Variants in MAGI2 observed in about 807,000 individuals in gnomAD.
MAGI2 encodes membrane-associated guanylate kinase, WW and PDZ domain-containing protein 2.
In MAGI2, 35 loss-of-function variants were observed where a neutral mutation model predicts 133.3. The observed-to-expected ratio is 0.26, with a 90% CI of 0.20 to 0.35. MAGI2 has a LOEUF of 0.35. Among genes scored for constraint, MAGI2 ranks in the 10% least tolerant of loss-of-function variants. The probability of loss-of-function intolerance (pLI) is 1.00; values close to 1 mark genes in which losing one functional copy is unlikely to be tolerated. For synonymous variants in MAGI2, 729 were observed against 710.6 expected (o/e 1.03, Z -0.41); for missense variants, 1,636 against 1,863.4 (o/e 0.88, Z 2.25).
intron 6 of MAGI2, among the ~76,000 whole-genome samples, chr7:78,375,341 T>C (rs1014402926): frequency 6.6e-6 from 1 of 152,128 alleles, no homozygotes; most frequent in Non-Finnish European, 1.5e-5. Flanking sequence ...GAGTCAGGCA[T>C]TGTTCCTTTC....
In MAGI2 at chr7:78,555,247, T is replaced by TAGAC. The variant is rs1182868082; in HGVS notation, c.539-33603_539-33602insGTCT. ...ACAGATAGATAGATAGATAGATAGATAGGTTTAACTACTTCTTGGGACTTT... is the reference window on the plus strand; with the variant it reads ...ACAGATAGATAGATAGATAGATAGATAGACAGGTTTAACTACTTCTTGGGACTTT... On this transcript the variant is annotated intron_variant, in intron 3 of 21. Transcript: ENST00000354212. 6.1e-3 allele frequency among the ~76,000 whole-genome samples: 928 copies of TAGAC among 151,256 alleles called. 1 individual carries two copies. Among genetic ancestry groups the TAGAC allele is most frequent in the Middle Eastern group, 0.017 (5 of 290 alleles).
At chr7:78,917,184 A>T (rs73375240) in intron 2 of MAGI2, among the ~76,000 whole-genome samples, 1 of 152,082 alleles carries the variant, frequency 6.6e-6, no homozygotes, top group African/African-American at 2.4e-5. Flanking sequence ...GAGAGGAAGA[A>T]GAAGGAGTCT....
At chr7:78,526,184 T>A (rs1796933322) in intron 3 of MAGI2, among the ~76,000 whole-genome samples, 1 of 152,206 alleles carries the variant, frequency 6.6e-6, no homozygotes, top group Non-Finnish European at 1.5e-5. Flanking sequence ...GAAAAAAATG[T>A]GTGATGCAAT....
At chr7:78,112,080 C>T (rs1263902828) in intron 20 of MAGI2, among the ~76,000 whole-genome samples, 1 of 152,156 alleles carries the variant, frequency 6.6e-6, no homozygotes, top group Non-Finnish European at 1.5e-5. Context: ...CATTTGTCTG[C>T]ATTGACCTGG....
At chr7:79,418,501 G>C (rs564394942) in intron 1 of MAGI2, among the ~76,000 whole-genome samples, 2 of 152,134 alleles carry the variant, frequency 1.3e-5, no homozygotes, top group South Asian at 4.1e-4. Context: ...AATCAATTTA[G>C]ACAGGAAGAT....
chr7:78,846,968 C>T (rs1207730518), intron 2 of MAGI2, among the ~76,000 whole-genome samples: 1 of 151,880 alleles, frequency 6.6e-6, no homozygotes, highest in African/African-American at 2.4e-5. Context: ...TAGGTCCCAA[C>T]CCCAACTTTC....
rs113337070 is a variant in MAGI2 at position 79,447,160 on chromosome 7, A to C, written c.301+5860T>G. ...TCCTTTTAGAGTTGACAAAGATGTC[A>C]GTAAGACGTAATAATAAAAGCAATT... On this transcript the variant is annotated intron_variant, in intron 1 of 21. Coordinates refer to ENST00000354212, the MANE Select transcript of MAGI2 (RefSeq NM_012301.4). 6.6e-5 allele frequency among the ~76,000 whole-genome samples: 10 copies of C among 152,322 alleles called. 1 individual carries two copies. Among genetic ancestry groups the C allele is most frequent in the African/African-American group, 2.2e-4 (9 of 41,584 alleles).
chr7:78,252,766 CCT>C (rs1275765736), intron 10 of MAGI2: 1 of 151,904 alleles, frequency 6.6e-6, no homozygotes, highest in Admixed American at 6.6e-5. Flanking sequence ...ACAGTGAAAC[CCT>C]GTCTCTACCA....
At chr7:78,480,743 A>G (rs1204875820) in intron 6 of MAGI2, among the ~76,000 whole-genome samples, 3 of 151,958 alleles carry the variant, frequency 2.0e-5, no homozygotes, top group Admixed American at 6.6e-5. Context: ...TATGACCAAC[A>G]CATGAAAATC....
intron 1 of MAGI2, among the ~76,000 whole-genome samples, chr7:79,258,934 A>G (rs527587574): frequency 6.6e-6 from 1 of 152,250 alleles, no homozygotes; most frequent in Non-Finnish European, 1.5e-5. Flanking sequence ...GCTCTTAACG[A>G]TTATGCAGGA....
intron 3 of MAGI2, among the ~76,000 whole-genome samples, chr7:78,573,257 A>AAAATATATATATAT (rs1179777593): frequency 2.0e-3 from 44 of 21,966 alleles, no homozygotes; most frequent in African/African-American, 7.4e-3. Flanking sequence ...AATATATATA[A>AAAATATATATATAT]ATATAAATAT....
intron 1 of MAGI2, chr7:79,353,343 T>A (rs1841813166): frequency 4.9e-6 from 2 of 410,350 alleles, no homozygotes; most frequent in African/African-American, 2.1e-5. Flanking sequence ...CTGTGACCAC[T>A]TTCTCTTCAG....
At chr7:78,984,463 C>T (rs1562751034) in intron 2 of MAGI2, among the ~76,000 whole-genome samples, 1 of 151,910 alleles carries the variant, frequency 6.6e-6, no homozygotes, top group Non-Finnish European at 1.5e-5. Context: ...CACTCCCCTT[C>T]CTTCCCATTA....
Position 79,304,572 on chromosome 7 carries a change from G to A in MAGI2, c.301+148448C>T, listed in dbSNP as rs150023915. Among the ~76,000 whole-genome samples, 74 of 152,266 alleles carry A rather than the reference G, an allele frequency of 4.9e-4. 1 individual carries two copies. The highest frequency in any genetic ancestry group is 1.6e-3 in the African/African-American group (66 of 41,552). Reference sequence around the variant, plus strand: ...GTGTGATAAACCCTGGAGAGTGATTGTGTAGATAAGCTGAAAACTTCCATG... The same window carrying A: ...GTGTGATAAACCCTGGAGAGTGATTATGTAGATAAGCTGAAAACTTCCATG... On this transcript the variant is annotated intron_variant, in intron 1 of 21. Coordinates refer to ENST00000354212, the MANE Select transcript of MAGI2 (RefSeq NM_012301.4).
chr7:79,294,782 T>C (rs1465915795), intron 1 of MAGI2, among the ~76,000 whole-genome samples: 2 of 130,492 alleles, frequency 1.5e-5, no homozygotes, highest in Non-Finnish European at 3.1e-5. Flanking sequence ...CGGGCTGGAG[T>C]GCAGGGGCGC....
chr7:78,311,656 C>T (rs1798713049), intron 9 of MAGI2, among the ~76,000 whole-genome samples: 2 of 152,140 alleles, frequency 1.3e-5, no homozygotes, highest in African/African-American at 4.8e-5. Context: ...TTGATTATAA[C>T]TCTAGATCAA....
At chr7:78,999,515 C>G (rs564761638) in intron 2 of MAGI2, among the ~76,000 whole-genome samples, 2 of 151,888 alleles carry the variant, frequency 1.3e-5, no homozygotes, top group Admixed American at 1.3e-4. Context: ...TTTGTTTAAT[C>G]GAAAGAAGAA....
At chr7:78,115,428 G>T (rs531848092) in intron 20 of MAGI2, among the ~76,000 whole-genome samples, 1 of 152,222 alleles carries the variant, frequency 6.6e-6, no homozygotes, top group East Asian at 1.9e-4. Context: ...GAAATATATT[G>T]TTAAAATATA....
chr7:79,225,320 T>C (rs964426417), intron 1 of MAGI2, among the ~76,000 whole-genome samples: 2 of 152,234 alleles, frequency 1.3e-5, no homozygotes, highest in African/African-American at 4.8e-5. Flanking sequence ...ATGCTTGTTG[T>C]ACACCTTAAA....
Sources: allele counts gnomAD v4.1 joint callset (sites outside exome capture counted in the v4.1 genomes callset), GRCh38; gene constraint gnomAD v4.1.1; transcripts MANE v1.5; gene names NCBI Gene and HGNC (gene_info 2026-07-23, HGNC 2026-07-21).